The following XKR4 variants were observed in gnomAD, a reference collection of about 807,000 sequenced individuals.
XKR4 encodes the protein XK-related protein 4.
In XKR4, 12 loss-of-function variants were observed where a neutral mutation model predicts 53.9. That is an observed-to-expected ratio of 0.22 (90% CI 0.14 to 0.36). XKR4 has a LOEUF of 0.36. XKR4 is among the 10% of genes least tolerant of loss of function. XKR4 has a pLI of 1.00. For missense variants in XKR4, 799 were observed against 859.5 expected, an observed-to-expected ratio of 0.93 and a Z score of 0.88; for synonymous variants, 354 against 362.4, an observed-to-expected ratio of 0.98 and a Z score of 0.26.
intron 1 of XKR4, among the ~76,000 whole-genome samples, chr8:55,271,562 G>T (rs1203149372): frequency 6.6e-6 from 1 of 152,252 alleles, no homozygotes. Context: ...CCTGAGTTTG[G>T]CAGAGACTCA....
chr8:55,102,374 G>T lies in XKR4; in HGVS notation c.-115G>T. On this transcript the variant is annotated 5_prime_UTR_variant, in exon 1 of 3. Transcript: ENST00000327381. The surrounding 1 kb of genome is among the most constrained non-coding windows in gnomAD (Gnocchi z 5.1). Reference sequence around the variant, plus strand: ...CGAGCCGACGCAGGAGCAGGAGGAGGGGGAGCCGCACCGCCTGGGAGGGAA... The same window carrying T: ...CGAGCCGACGCAGGAGCAGGAGGAGTGGGAGCCGCACCGCCTGGGAGGGAA... 1 of 1,275,708 alleles carries T rather than the reference G, an allele frequency of 7.8e-7. No individual in the cohort carries two copies. The highest frequency in any genetic ancestry group is 2.1e-5 in the South Asian group (1 of 48,360). 79.0% of individuals were successfully genotyped at this position (1,275,708 alleles called of 1,614,324 possible). A position where few individuals can be genotyped will look rare whatever the true frequency, so the allele number is the denominator to read the frequency against.
intron 1 of XKR4, among the ~76,000 whole-genome samples, chr8:55,319,110 G>T (rs903010329): frequency 6.6e-6 from 1 of 152,056 alleles, no homozygotes; most frequent in African/African-American, 2.4e-5. Context: ...TAAGGTCATT[G>T]TGACATCCTG....
chr8:55,240,200 C>T (rs1818190451), intron 1 of XKR4, among the ~76,000 whole-genome samples: 1 of 151,998 alleles, frequency 6.6e-6, no homozygotes, highest in South Asian at 2.1e-4. Context: ...TCTCACAAGC[C>T]AGCCAATTAG....
chr8:55,322,955 T>G (rs555571269), intron 1 of XKR4, among the ~76,000 whole-genome samples: 2 of 152,330 alleles, frequency 1.3e-5, no homozygotes, highest in East Asian at 3.8e-4. Context: ...GTAAAAATAG[T>G]CATCTTGTAT....
chr8:55,471,070 G>A lies in XKR4; in HGVS notation c.1007-52211G>A, dbSNP rs181875868. ...GCACCATCCAGTACAGTAGCCACTAGCCACATTGAAAATTAAATAACTATT... is the reference window on the plus strand; with the variant it reads ...GCACCATCCAGTACAGTAGCCACTAACCACATTGAAAATTAAATAACTATT... On this transcript the variant is annotated intron_variant, in intron 2 of 2. Transcript: ENST00000327381. Among the ~76,000 whole-genome samples the A allele has an allele frequency of 7.9e-4, 121 of 152,244 alleles. 1 individual carries two copies. The highest frequency in any genetic ancestry group is 2.8e-3 in the African/African-American group (118 of 41,500).
chr8:55,167,874 G>A (rs2129358065), intron 1 of XKR4, among the ~76,000 whole-genome samples: 1 of 152,272 alleles, frequency 6.6e-6, no homozygotes, highest in African/African-American at 2.4e-5. Context: ...CCAGAGGAGT[G>A]GCCAGGGAAG....
At chr8:55,258,299 A>C (rs1187927542) in intron 1 of XKR4, among the ~76,000 whole-genome samples, 1 of 152,206 alleles carries the variant, frequency 6.6e-6, no homozygotes, top group Non-Finnish European at 1.5e-5. Flanking sequence ...GGAGGAGCCC[A>C]GTTGCTCAGA....
At chr8:55,385,583 T>C (rs1228414067) in intron 2 of XKR4, among the ~76,000 whole-genome samples, 1 of 152,214 alleles carries the variant, frequency 6.6e-6, no homozygotes, top group African/African-American at 2.4e-5. Flanking sequence ...TGAAATAATT[T>C]AATTCCAGAG....
chr8:55,204,066 A>G (rs1246240885), intron 1 of XKR4, among the ~76,000 whole-genome samples: 1 of 152,118 alleles, frequency 6.6e-6, no homozygotes, highest in Non-Finnish European at 1.5e-5. Context: ...GCTGGAGTAC[A>G]GTGGTGTAAT....
chr8:55,466,090 G>T (rs1017092771), intron 2 of XKR4, among the ~76,000 whole-genome samples: 2 of 152,118 alleles, frequency 1.3e-5, no homozygotes, highest in African/African-American at 4.8e-5. Context: ...GATTCCTCAG[G>T]GATCTAGAAC....
At position 55,532,870 on chromosome 8, in the gene XKR4, C is replaced by T. The variant is rs996913716; in HGVS notation, c.*8643C>T. 2 of 150,828 alleles carry T rather than the reference C, an allele frequency of 1.3e-5. No homozygotes were observed. The highest frequency in any genetic ancestry group is 4.9e-5 in the African/African-American group (2 of 40,970). 9.3% of individuals were successfully genotyped at this position (150,828 alleles called of 1,614,324 possible). A position where few individuals can be genotyped will look rare whatever the true frequency, so the allele number is the denominator to read the frequency against. Reference sequence around the variant, plus strand: ...ATGTTTTTATTATATTTCCATCTACCAAATTGTTGACCTTCTCCTCCTCTC... The same window carrying T: ...ATGTTTTTATTATATTTCCATCTACTAAATTGTTGACCTTCTCCTCCTCTC... On this transcript the variant is annotated 3_prime_UTR_variant, in exon 3 of 3. Transcript: ENST00000327381.
At chr8:55,410,714 A>C (rs1804764325) in intron 2 of XKR4, among the ~76,000 whole-genome samples, 1 of 149,718 alleles carries the variant, frequency 6.7e-6, no homozygotes, top group Non-Finnish European at 1.5e-5. Context: ...ACCTAAATCC[A>C]CCTCCTGACA....
At chr8:55,193,508 G>C (rs1473284700) in intron 1 of XKR4, among the ~76,000 whole-genome samples, 1 of 152,172 alleles carries the variant, frequency 6.6e-6, no homozygotes. Flanking sequence ...TAGAGCTGCT[G>C]TGCTAGGGTG....
intron 2 of XKR4, among the ~76,000 whole-genome samples, chr8:55,495,236 G>T (rs982440193): frequency 3.3e-5 from 5 of 152,208 alleles, no homozygotes; most frequent in Non-Finnish European, 7.4e-5. Flanking sequence ...ACAGGGAGAA[G>T]CCAGGCAGTG....
intron 1 of XKR4, among the ~76,000 whole-genome samples, chr8:55,332,925 T>G (rs1803402133): frequency 6.6e-6 from 1 of 151,814 alleles, no homozygotes. Flanking sequence ...TTTTCTTCTT[T>G]TTTTTTTTCC....
At chr8:55,144,165 C>T (rs1219887160) in intron 1 of XKR4, among the ~76,000 whole-genome samples, 1 of 152,160 alleles carries the variant, frequency 6.6e-6, no homozygotes, top group Non-Finnish European at 1.5e-5. Flanking sequence ...TGCATCTCTT[C>T]TTGTCAATAT....
intron 1 of XKR4, among the ~76,000 whole-genome samples, chr8:55,193,688 A>G (rs1817471657): frequency 6.6e-6 from 1 of 152,174 alleles, no homozygotes; most frequent in Non-Finnish European, 1.5e-5. Flanking sequence ...AATAATCTGA[A>G]GCAATACAGG....
chr8:55,355,085 G>T (rs531242440), intron 1 of XKR4, among the ~76,000 whole-genome samples: 1 of 151,896 alleles, frequency 6.6e-6, no homozygotes, highest in South Asian at 2.1e-4. Flanking sequence ...TGTATTTTTA[G>T]TAGAGAGGGG....
chr8:55,401,964 A>T (rs1012947841), intron 2 of XKR4, among the ~76,000 whole-genome samples: 1 of 152,196 alleles, frequency 6.6e-6, no homozygotes, highest in East Asian at 1.9e-4. Flanking sequence ...ATGTAAAATA[A>T]CTTGACTATT....
Sources: gnomAD v4.1 joint callset for allele counts (sites outside exome capture counted in the v4.1 genomes callset) on GRCh38, gnomAD v4.1.1 for gene constraint, Gnocchi (gnomAD v3.1) non-coding constraint, MANE v1.5 for transcripts, NCBI Gene and HGNC (gene_info 2026-07-23, HGNC 2026-07-21) for gene names.